Variants in AR observed in about 807,000 individuals in gnomAD.
The protein encoded by AR is dihydrotestosterone receptor.
In AR, 8 loss-of-function variants were observed where a neutral mutation model predicts 53.9. The observed-to-expected ratio is 0.15, with a 90% CI of 0.09 to 0.27. The LOEUF is 0.27. Among genes scored for constraint, AR ranks in the 10% least tolerant of loss-of-function variants. The probability of loss-of-function intolerance (pLI) is 1.00; values close to 1 mark genes in which losing one functional copy is unlikely to be tolerated. For synonymous variants in AR, 359 were observed against 316.4 expected, an observed-to-expected ratio of 1.13 and a Z score of -1.43; for missense variants, 639 against 742.5, an observed-to-expected ratio of 0.86 and a Z score of 1.62.
At chrX:67,642,231 A>G (rs183796356) in intron 1 of AR, among the ~76,000 whole-genome samples, 3 of 112,027 alleles carry the variant, frequency 2.7e-5, no homozygotes, top group African/African-American at 9.7e-5. Context: ...GTAACCCAGA[A>G]TGTCACTTGA....
intron 3 of AR, among the ~76,000 whole-genome samples, chrX:67,708,894 G>T (rs1031223346): frequency 3.6e-5 from 4 of 112,273 alleles, no homozygotes; most frequent in Non-Finnish European, 7.5e-5. Context: ...GTTGGAGTTT[G>T]CTGGAGGTCC....
intron 2 of AR, among the ~76,000 whole-genome samples, chrX:67,683,685 G>A (rs1451555269): frequency 8.9e-6 from 1 of 112,156 alleles, no homozygotes; most frequent in Non-Finnish European, 1.9e-5. Flanking sequence ...CCAATGCAGG[G>A]CCTTGCACAT....
chrX:67,691,743 C>A (rs1219223927), intron 3 of AR, among the ~76,000 whole-genome samples: 1 of 111,665 alleles, frequency 9.0e-6, no homozygotes, highest in Admixed American at 9.5e-5. Flanking sequence ...AAAAGCAGAC[C>A]ATCCTTACCA....
At chrX:67,671,702 G>T (rs2075866503) in intron 2 of AR, among the ~76,000 whole-genome samples, 1 of 111,735 alleles carries the variant, frequency 8.9e-6, no homozygotes, top group Non-Finnish European at 1.9e-5. Flanking sequence ...GTATTGCCTT[G>T]GTTTTCTTCT....
At chrX:67,603,184 G>C (rs754287175) in intron 1 of AR, among the ~76,000 whole-genome samples, 3 of 111,624 alleles carry the variant, frequency 2.7e-5, no homozygotes, top group Admixed American at 9.5e-5. Flanking sequence ...TTATTCTACT[G>C]TGGCAGAGAA....
rs1305616160 is a variant in AR, at chrX:67,546,611, G to A, written c.1465G>A (p.Gly489Arg). Residue 489 changes from glycine to arginine, a missense_variant, in exon 1 of 8, where the codon GGG becomes AGG. Around this residue, in one of 5 missense-constraint regions of AR, gnomAD observed 423 missense variants for 377.0 expected, o/e 1.12. Transcript: ENST00000374690. ...CTACGGCTACACTCGGCCCCCTCAG[G>A]GGCTGGCGGGCCAGGAAAGCGACTT... Reference protein sequence around the residue: ...APYGYTRPPQGLAGQESDFTA... With the variant: ...APYGYTRPPQRLAGQESDFTA... 1 of 1,188,024 alleles carries A rather than the reference G, an allele frequency of 8.4e-7. No individual in the cohort carries two copies. The highest frequency in any genetic ancestry group is 1.1e-6 in the Non-Finnish European group (1 of 883,926).
chrX:67,626,963 TC>T (rs1815132869), intron 1 of AR, among the ~76,000 whole-genome samples: 1 of 105,292 alleles, frequency 9.5e-6, no homozygotes, highest in African/African-American at 3.5e-5. Context: ...CATGAACTCA[TC>T]CTTTTTTATG....
chrX:67,589,120 G>A (rs1013784037), intron 1 of AR, among the ~76,000 whole-genome samples: 7 of 111,871 alleles, frequency 6.3e-5, no homozygotes, highest in East Asian at 2.8e-4. Context: ...TTAATTAGCC[G>A]GGCGCGGTGG....
At chrX:67,624,151 ATTAC>A (rs1191352647) in intron 1 of AR, among the ~76,000 whole-genome samples, 2 of 111,454 alleles carry the variant, frequency 1.8e-5, no homozygotes, top group African/African-American at 6.5e-5. Flanking sequence ...TCATGATCCA[ATTAC>A]TTCCTACCAG....
intron 3 of AR, among the ~76,000 whole-genome samples, chrX:67,710,157 T>C (rs1259125869): frequency 9.0e-6 from 1 of 110,740 alleles, no homozygotes; most frequent in African/African-American, 3.3e-5. Context: ...CAATTCACTG[T>C]TCTTTCTGGG....
At position 67,730,474 on chromosome X, in the gene AR, A is replaced by G. The variant is rs1341922431; in HGVS notation, c.*6633A>G. 5.8e-6 allele frequency: 1 copy of G among 172,277 alleles called. No homozygotes were observed. Among genetic ancestry groups the G allele is most frequent in the Non-Finnish European group, 1.1e-5 (1 of 90,297 alleles). The allele number at this position is 172,277 out of a possible 1,213,427, so 14.2% of individuals were successfully genotyped here. On this transcript the variant is annotated 3_prime_UTR_variant, in exon 8 of 8. Coordinates refer to ENST00000374690, the MANE Select transcript of AR (RefSeq NM_000044.6). ...CATCCATTGTGTAAAATATTGGCTT[A>G]CTGGTCTGCCAGCTAAAACTTGGCC...
intron 3 of AR, chrX:67,695,821 T>TCA (rs1253627649): frequency 6.1e-5 from 41 of 674,447 alleles, no homozygotes; most frequent in East Asian, 1.7e-4. Flanking sequence ...TCTCTCTCTC[T>TCA]CACACACACA....
chrX:67,694,861 C>G, intron 3 of AR: 1 of 1,077,777 alleles, frequency 9.3e-7, no homozygotes, highest in Non-Finnish European at 1.2e-6. Context: ...TTGGGGGCTA[C>G]TCTCTTGATT....
chrX:67,664,024 AT>A (rs1191449277), intron 2 of AR, among the ~76,000 whole-genome samples: 2 of 110,463 alleles, frequency 1.8e-5, no homozygotes, highest in African/African-American at 3.3e-5. Flanking sequence ...CATTTGTCTA[AT>A]TTTTTTTCAA....
chrX:67,685,162 G>C (rs2075958938), intron 2 of AR, among the ~76,000 whole-genome samples: 2 of 111,791 alleles, frequency 1.8e-5, no homozygotes, highest in Admixed American at 9.6e-5. Context: ...GTGTGTCTAT[G>C]CATCCATCTG....
chrX:67,655,469 G>A (rs1262924950), intron 2 of AR, among the ~76,000 whole-genome samples: 2 of 111,176 alleles, frequency 1.8e-5, no homozygotes, highest in Non-Finnish European at 3.8e-5. Context: ...TGACTAGCCA[G>A]CAAGTTTAAG....
rs1417355521 is a variant in AR, at chrX:67,546,515, G to T, written c.1369G>T (p.Gly457Cys). The T allele has an allele frequency of 1.9e-6, 1 of 529,280 alleles. No individual in the cohort carries two copies. Among genetic ancestry groups the T allele is most frequent in the Non-Finnish European group, 2.1e-6 (1 of 472,427 alleles). The allele number at this position is 529,280 out of a possible 1,213,427, so 43.6% of individuals were successfully genotyped here. Reference protein sequence around the residue: ...YGPCGGGGGGGGGGGGGGGGG... With the variant: ...YGPCGGGGGGCGGGGGGGGGG... The stretch of plus-strand genomic sequence containing the variant: ...ACCGTGTGGTGGTGGTGGGGGTGGT[G>T]GCGGCGGCGGCGGCGGCGGCGGCGG... Residue 457 changes from glycine (G) to cysteine (C), a missense_variant, in exon 1 of 8, where the codon GGC becomes TGC. Gly to Cys is a radical substitution (Grantham distance 159, BLOSUM62 -3). Coordinates refer to ENST00000374690, the MANE Select transcript of AR (RefSeq NM_000044.6).
At chrX:67,669,922 C>A (rs1010708698) in intron 2 of AR, among the ~76,000 whole-genome samples, 1 of 106,322 alleles carries the variant, frequency 9.4e-6, no homozygotes, top group African/African-American at 3.4e-5. Context: ...TTTCAGGCAG[C>A]GTGTTTCTTT....
In AR at chrX:67,643,322, G is replaced by C. The variant is rs1892255177; in HGVS notation, c.1683G>C (p.Leu561=). The change falls in exon 2 of 8, where the codon CTG becomes CTC. Residue 561 remains leucine, a synonymous_variant. Transcript: ENST00000374690. ...ACTTTCCACCCCAGAAGACCTGCCT[G>C]ATCTGTGGAGATGAAGCTTCTGGGT... The part of the protein sequence containing the change: ...DYYFPPQKTC[L]ICGDEASGCH... 2 of 1,211,201 alleles carry C rather than the reference G, an allele frequency of 1.7e-6. No homozygotes were observed. The highest frequency in any genetic ancestry group is 2.2e-6 in the Non-Finnish European group (2 of 895,242).
Sources: allele counts gnomAD v4.1 joint callset (sites outside exome capture counted in the v4.1 genomes callset), GRCh38; gene constraint gnomAD v4.1.1; regional missense constraint gnomAD v4.1.1; transcripts MANE v1.5; gene names NCBI Gene and HGNC (gene_info 2026-07-23, HGNC 2026-07-21).